AOPEP: variants seen among roughly 807,000 people sequenced by gnomAD.
The protein encoded by AOPEP is aminopeptidase O (putative), also known as aminopeptidase O.
Under a neutral mutation model 98.1 loss-of-function variants are expected in AOPEP, and 77 were observed. That is an observed-to-expected ratio of 0.78 (90% confidence interval 0.65 to 0.95). The LOEUF (loss-of-function observed/expected upper bound fraction) is 0.95, where lower values mean the gene tolerates loss of function less well. Among genes scored for constraint, AOPEP ranks in the 40% least tolerant of loss-of-function variants. AOPEP has a pLI of 0.00. For synonymous variants in AOPEP, 346 were observed against 365.3 expected (o/e 0.95, Z 0.60); for missense variants, 1,024 against 1,024.7 (o/e 1.00, Z 0.01).
the AOPEP span, chr9:95,107,346 T>G: frequency 6.7e-7 from 1 of 1,490,838 alleles, no homozygotes; most frequent in South Asian, 1.2e-5. Flanking sequence ...TTTATTTGCT[T>G]TGAAACAACC....
At chr9:94,945,528 G>A (rs1020770393) in intron 7 of AOPEP, among the ~76,000 whole-genome samples, 4 of 152,118 alleles carry the variant, frequency 2.6e-5, no homozygotes, top group Non-Finnish European at 5.9e-5. Flanking sequence ...CTGAGGACTC[G>A]TCCTCTTGTG....
chr9:94,853,674 A>G (rs1239285628), intron 5 of AOPEP, among the ~76,000 whole-genome samples: 1 of 152,234 alleles, frequency 6.6e-6, no homozygotes, highest in Non-Finnish European at 1.5e-5. Context: ...GATATCAGAA[A>G]TTAGGTAAAA....
At chr9:94,926,918 A>G (rs2054437172) in intron 6 of AOPEP, among the ~76,000 whole-genome samples, 2 of 152,220 alleles carry the variant, frequency 1.3e-5, no homozygotes, top group African/African-American at 4.8e-5. Flanking sequence ...GGATGGTGTA[A>G]CTTGTCATCA....
intron 13 of AOPEP, among the ~76,000 whole-genome samples, chr9:95,014,286 G>T (rs893066293): frequency 2.0e-5 from 3 of 151,940 alleles, no homozygotes; most frequent in Non-Finnish European, 4.4e-5. Context: ...GGGCAACATA[G>T]CGAGATCCCA....
intron 14 of AOPEP, among the ~76,000 whole-genome samples, chr9:95,066,657 A>G (rs929123148): frequency 1.3e-5 from 2 of 152,090 alleles, no homozygotes; most frequent in African/African-American, 2.4e-5. Flanking sequence ...CCGACCTCTG[A>G]AGATGTGAGG....
chr9:94,915,879 A>G (rs1011804280), intron 5 of AOPEP, among the ~76,000 whole-genome samples: 5 of 152,134 alleles, frequency 3.3e-5, no homozygotes, highest in African/African-American at 7.2e-5. Flanking sequence ...AATCCCCACA[A>G]CTTTTTCCAG....
chr9:95,141,311 CAAAAAAAAAAA>C, the AOPEP span, among the ~76,000 whole-genome samples: 2 of 54,862 alleles, frequency 3.6e-5, no homozygotes, highest in Admixed American at 3.2e-4. Context: ...GACCCTGTCT[CAAAAAAAAAAA>C]AAAAAAAAAA....
downstream of AOPEP, among the ~76,000 whole-genome samples, chr9:95,090,874 AAAT>A (rs1462736763): frequency 6.6e-6 from 1 of 152,192 alleles, no homozygotes; most frequent in Non-Finnish European, 1.5e-5. Context: ...CAAAATACTG[AAAT>A]AATAGCCTCC....
At chr9:94,755,002 C>T (rs769267269) in intron 1 of AOPEP, among the ~76,000 whole-genome samples, 7 of 152,130 alleles carry the variant, frequency 4.6e-5, no homozygotes, top group African/African-American at 1.7e-4. Context: ...TATTACTGTA[C>T]GCTAATCCTT....
intron 7 of AOPEP, among the ~76,000 whole-genome samples, chr9:94,954,157 T>C (rs1352300893): frequency 6.6e-6 from 1 of 152,008 alleles, no homozygotes; most frequent in Non-Finnish European, 1.5e-5. Flanking sequence ...ACCCCATCTC[T>C]ACAGAAAAAA....
At chr9:94,939,760 G>T (rs971297458) in intron 7 of AOPEP, among the ~76,000 whole-genome samples, 2 of 152,262 alleles carry the variant, frequency 1.3e-5, no homozygotes, top group Middle Eastern at 3.4e-3. Flanking sequence ...TATCCTCGGG[G>T]CATTGGTTCC....
chr9:94,749,631 A>G lies in AOPEP; in HGVS notation c.-135-10018A>G, dbSNP rs1213215756. Reference sequence around the variant, plus strand: ...ACTATTTTCTGGTTCACTGTCTTCTATAATCATGAATCTTCTGTTAAAACC... The same window carrying G: ...ACTATTTTCTGGTTCACTGTCTTCTGTAATCATGAATCTTCTGTTAAAACC... On this transcript the variant is annotated intron_variant, in intron 1 of 16. Coordinates refer to ENST00000375315, the MANE Select transcript of AOPEP (RefSeq NM_001193329.3). Among the ~76,000 whole-genome samples, 3 of 152,176 alleles carry G rather than the reference A, an allele frequency of 2.0e-5. No homozygotes were observed. The East Asian group carries it at 5.8e-4, about 29-fold the overall frequency.
chr9:94,899,398 T>A (rs1357698627), intron 5 of AOPEP, among the ~76,000 whole-genome samples: 1 of 151,042 alleles, frequency 6.6e-6, no homozygotes, highest in Non-Finnish European at 1.5e-5. Flanking sequence ...TGTGTTACAT[T>A]TGCTATTTTT....
chr9:94,789,151 C>T (rs776955597), intron 3 of AOPEP, among the ~76,000 whole-genome samples: 1 of 152,212 alleles, frequency 6.6e-6, no homozygotes, highest in Non-Finnish European at 1.5e-5. Context: ...TTCTAGCTTC[C>T]AGTATTCTGC....
chr9:94,935,823 A>G (rs766342286), intron 7 of AOPEP, among the ~76,000 whole-genome samples: 12 of 152,068 alleles, frequency 7.9e-5, no homozygotes, highest in Non-Finnish European at 1.8e-4. Context: ...CCCCGTTGAC[A>G]TCTCTCCTGG....
At chr9:94,955,437 T>C (rs1219102682) in intron 8 of AOPEP, among the ~76,000 whole-genome samples, 158 bp downstream of exon 8, 3 of 152,192 alleles carry the variant, frequency 2.0e-5, no homozygotes, top group Admixed American at 6.5e-5. Context: ...AAGCACTTCA[T>C]GCCCAAAAAA....
intron 3 of AOPEP, among the ~76,000 whole-genome samples, chr9:94,790,764 T>C (rs1165336081): frequency 6.6e-6 from 1 of 152,070 alleles, no homozygotes. Flanking sequence ...TATTGGTTTT[T>C]AGTGGTAAAG....
the AOPEP span, among the ~76,000 whole-genome samples, chr9:95,119,518 A>G: frequency 6.6e-6 from 1 of 152,020 alleles, no homozygotes; most frequent in Non-Finnish European, 1.5e-5. Context: ...GGCACATGCC[A>G]CTATGCCCAG....
chr9:94,958,865 A>T (rs779428753), intron 9 of AOPEP, among the ~76,000 whole-genome samples: 1 of 152,060 alleles, frequency 6.6e-6, no homozygotes, highest in Non-Finnish European at 1.5e-5. Flanking sequence ...AGAGCACAAA[A>T]GTTTTTAATT....
Sources: gnomAD v4.1 joint callset for allele counts (sites outside exome capture counted in the v4.1 genomes callset) on GRCh38, gnomAD v4.1.1 for gene constraint, MANE v1.5 for transcripts, NCBI Gene and HGNC (gene_info 2026-07-23, HGNC 2026-07-21) for gene names.